The following ITGA2 variants were observed in gnomAD, a reference collection of about 807,000 sequenced individuals.
ITGA2 encodes integrin subunit alpha 2.
ITGA2 carries 101 observed loss-of-function variants against 146.3 expected under a neutral mutation model. That is an observed-to-expected ratio of 0.69 (90% CI 0.59 to 0.81). The LOEUF (loss-of-function observed/expected upper bound fraction) is 0.81, where lower values mean the gene tolerates loss of function less well. Ranked by LOEUF, ITGA2 falls within the 40% of genes least tolerant of loss-of-function variation. The pLI is 0.00. For missense variants in ITGA2, 1,281 were observed against 1,402.7 expected (o/e 0.91, Z 1.39); for synonymous variants, 477 against 487.1 (o/e 0.98, Z 0.27).
intron 12 of ITGA2, among the ~76,000 whole-genome samples, chr5:53,062,313 G>A (rs1023400667): frequency 4.0e-5 from 6 of 151,766 alleles, no homozygotes; most frequent in African/African-American, 1.5e-4. Flanking sequence ...CAGCCTTTGG[G>A]ACTTGCCTCT....
chr5:53,072,640 G>A lies in ITGA2; in HGVS notation c.2374G>A (p.Asp792Asn), dbSNP rs1451999033. Residue 792 changes from aspartate (D) to asparagine (N), a missense_variant, in exon 19 of 30, where the codon GAC becomes AAC. By Grantham distance (23) the Asp-to-Asn change is conservative (BLOSUM62 1). Coordinates refer to ENST00000296585, the MANE Select transcript of ITGA2 (RefSeq NM_002203.4). ...SIPFHKDCGE[D>N]GLCISDLVLD... ...TCCTTTCCACAAAGACTGTGGTGAG[G>A]ACGGACTTTGCATTTCTGATCTAGT... The A allele has an allele frequency of 6.2e-7, 1 of 1,610,642 alleles. No individual in the cohort carries two copies. Among genetic ancestry groups the A allele is most frequent in the Non-Finnish European group, 8.5e-7 (1 of 1,178,474 alleles).
rs529934879 is a variant in ITGA2, at chr5:53,037,491, C to T, written c.186-4621C>T. On this transcript the variant is annotated intron_variant, in intron 2 of 29. Transcript: ENST00000296585. ...TTCTCTTGGTGTGTCTCTTCCTGCACGTAAAATTTCATAGAGAAATATAAC... is the reference window on the plus strand; with the variant it reads ...TTCTCTTGGTGTGTCTCTTCCTGCATGTAAAATTTCATAGAGAAATATAAC... 3.9e-5 allele frequency among the ~76,000 whole-genome samples: 6 copies of T among 152,260 alleles called. No individual in the cohort carries two copies. In the East Asian group the frequency reaches 9.7e-4, roughly 24 times the overall value.
At chr5:53,015,281 T>C (rs1011098444) in intron 1 of ITGA2, among the ~76,000 whole-genome samples, 1 of 152,190 alleles carries the variant, frequency 6.6e-6, no homozygotes, top group Non-Finnish European at 1.5e-5. Flanking sequence ...GTCCCAGAGA[T>C]TCTCATGTTG....
In ITGA2 at chr5:53,090,777, G is replaced by GT; in HGVS notation, c.*178_*179insT. 1 of 365,146 alleles carries GT rather than the reference G, an allele frequency of 2.7e-6. No individual in the cohort carries two copies. Among genetic ancestry groups the GT allele is most frequent in the South Asian group, 2.5e-5 (1 of 39,432 alleles). 22.6% of individuals were successfully genotyped at this position (365,146 alleles called of 1,614,324 possible). On this transcript the variant is annotated 3_prime_UTR_variant, in exon 30 of 30. Transcript: ENST00000296585. ...AATGAAGAAATTGTGGGGGGTGGGG[G>GT]AGGTGCGGGGGGCAGGTAGGGAAAT...
chr5:53,055,430 T>G, intron 7 of ITGA2, 108 bp from the exon 8 acceptor site: 1 of 931,842 alleles, frequency 1.1e-6, no homozygotes, highest in Non-Finnish European at 1.7e-6. Flanking sequence ...GGAGTTACAA[T>G]AGATTGTGTT....
At chr5:53,066,050 G>A in intron 15 of ITGA2, 73 bp downstream of exon 15, 1 of 1,402,812 alleles carries the variant, frequency 7.1e-7, no homozygotes, top group Non-Finnish European at 1.0e-6. Flanking sequence ...TGTCTGTACT[G>A]GTATTATAGA....
chr5:53,055,965 C>G lies in ITGA2; in HGVS notation c.931-19C>G. On this transcript the variant is annotated intron_variant, in intron 8 of 29. Coordinates refer to ENST00000296585, the MANE Select transcript of ITGA2 (RefSeq NM_002203.4). ...TGTACAGCAGTAATGACTGCACATT[C>G]TCTTCCTCTATTTTCAAGGTTCTTG... The G allele has an allele frequency of 6.2e-7, 1 of 1,604,794 alleles. No homozygotes were observed. Among genetic ancestry groups the G allele is most frequent in the Admixed American group, 1.7e-5 (1 of 59,718 alleles).
intron 2 of ITGA2, among the ~76,000 whole-genome samples, chr5:53,041,000 T>C (rs1431200893): frequency 6.6e-6 from 1 of 152,192 alleles, no homozygotes; most frequent in Non-Finnish European, 1.5e-5. Context: ...TTAATCCTTT[T>C]GTATCTACCG....
At position 53,087,028 on chromosome 5, in the gene ITGA2, A is replaced by G. The variant is rs747197804; in HGVS notation, c.3335A>G (p.Asp1112Gly). The G allele has an allele frequency of 5.0e-6, 8 of 1,612,244 alleles. No homozygotes were observed. The highest frequency in any genetic ancestry group is 6.8e-6 in the Non-Finnish European group (8 of 1,178,406). Residue 1112 changes from aspartate to glycine, a missense_variant, in exon 28 of 30, where the codon GAT becomes GGT. Asp to Gly is a moderately conservative substitution (Grantham distance 94). Around this residue, in one of 3 missense-constraint regions of ITGA2, gnomAD observed 475 missense variants for 530.5 expected, o/e 0.90. Transcript: ENST00000296585. ...TYNPEIYVIE[D>G]NTVTIPLMIM... Reference sequence around the variant, plus strand: ...AACCCTGAGATATATGTGATTGAAGATAACACTGTTACGGTGAGCATATCA... The same window carrying G: ...AACCCTGAGATATATGTGATTGAAGGTAACACTGTTACGGTGAGCATATCA...
intron 20 of ITGA2, among the ~76,000 whole-genome samples, chr5:53,073,797 A>G (rs1008032844): frequency 6.6e-6 from 1 of 151,892 alleles, no homozygotes; most frequent in Non-Finnish European, 1.5e-5. Context: ...ATCTGATTAA[A>G]GGATTAAACA....
chr5:53,025,708 T>C (rs1440400560), intron 1 of ITGA2, among the ~76,000 whole-genome samples: 8 of 152,256 alleles, frequency 5.3e-5, no homozygotes, highest in Non-Finnish European at 1.2e-4. Context: ...GACATTTCTT[T>C]GTGAAAGCAC....
chr5:52,991,425 C>T lies in ITGA2; in HGVS notation c.64+1893C>T, dbSNP rs1013534170. On this transcript the variant is annotated intron_variant, in intron 1 of 29. Transcript: ENST00000296585. ...TTCTCATTCACTATCATTACACACA[C>T]ACACACACATAACTGTTATAAAATT... is the stretch of plus-strand genomic sequence containing the variant. Among the ~76,000 whole-genome samples the T allele has an allele frequency of 3.9e-4, 59 of 152,294 alleles. 1 individual carries two copies. The highest frequency in any genetic ancestry group is 1.3e-3 in the African/African-American group (54 of 41,558).
intron 1 of ITGA2, among the ~76,000 whole-genome samples, chr5:53,019,733 C>T (rs539538186): frequency 1.7e-4 from 26 of 151,984 alleles, no homozygotes; most frequent in Admixed American, 5.2e-4. Flanking sequence ...CCCATCTTGG[C>T]CAGGCTGGTC....
intron 1 of ITGA2, among the ~76,000 whole-genome samples, chr5:53,020,073 T>C (rs983183893): frequency 2.6e-5 from 4 of 152,176 alleles, no homozygotes; most frequent in African/African-American, 4.8e-5. Context: ...ACACATTCCC[T>C]GAGGATAAGA....
intron 1 of ITGA2, 114 bp downstream of exon 1, chr5:52,989,646 T>G: frequency 8.5e-7 from 1 of 1,183,214 alleles, no homozygotes; most frequent in Non-Finnish European, 1.3e-6. Flanking sequence ...TCCCTCGGAT[T>G]CCACGTGGAC....
chr5:53,087,640 A>AAG (rs61169600), intron 28 of ITGA2, among the ~76,000 whole-genome samples: 3 of 151,270 alleles, frequency 2.0e-5, no homozygotes, highest in Admixed American at 2.0e-4. Context: ...AAAAAAAAAA[A>AAG]GCTTTTACAG....
chr5:53,006,645 G>A (rs781294932), intron 1 of ITGA2, among the ~76,000 whole-genome samples: 7 of 152,106 alleles, frequency 4.6e-5, no homozygotes, highest in Admixed American at 3.3e-4. Flanking sequence ...TCTAAGTGCT[G>A]GGGAATATAT....
At chr5:53,030,710 G>A (rs1427828708) in intron 2 of ITGA2, among the ~76,000 whole-genome samples, 1 of 152,188 alleles carries the variant, frequency 6.6e-6, no homozygotes, top group African/African-American at 2.4e-5. Flanking sequence ...TGGCCTTAAG[G>A]AGTGTAAAAT....
In ITGA2 at chr5:53,071,957, A is replaced by G. The variant is rs773526469; in HGVS notation, c.2255A>G (p.Asn752Ser). The G allele has an allele frequency of 1.2e-5, 19 of 1,611,860 alleles. No individual in the cohort carries two copies. Among genetic ancestry groups the G allele is most frequent in the Non-Finnish European group, 1.6e-5 (19 of 1,178,770 alleles). ...IYIQEPSDVV[N>S]SLDLRVDISL... ...GTTTAGGAGCCCTCTGATGTTGTCAACTCTTTGGATTTGCGTGTGGACATC... is the reference window on the plus strand; with the variant it reads ...GTTTAGGAGCCCTCTGATGTTGTCAGCTCTTTGGATTTGCGTGTGGACATC... The change falls in exon 18 of 30, where the codon AAC (asparagine) becomes AGC (serine). Residue 752 changes from asparagine to serine, a missense_variant. By Grantham distance (46) the Asn-to-Ser change is conservative. Around this residue, in one of 3 missense-constraint regions of ITGA2, gnomAD observed 475 missense variants for 530.5 expected, o/e 0.90. Coordinates refer to ENST00000296585, the MANE Select transcript of ITGA2 (RefSeq NM_002203.4).
Sources: allele counts gnomAD v4.1 joint callset (sites outside exome capture counted in the v4.1 genomes callset), GRCh38; gene constraint gnomAD v4.1.1; regional missense constraint gnomAD v4.1.1; transcripts MANE v1.5; gene names NCBI Gene and HGNC (gene_info 2026-07-23, HGNC 2026-07-21).